The following TAFA1 variants were observed in gnomAD, a reference collection of about 807,000 sequenced individuals.
TAFA1 encodes TAFA chemokine like family member 1, also known as chemokine-like protein TAFA-1.
A neutral mutation model predicts 18.5 loss-of-function variants in TAFA1; 4 were observed. The ratio of observed to expected loss-of-function variants is 0.22; its 90% CI spans 0.11 to 0.49. The LOEUF is 0.49. Among genes scored for constraint, TAFA1 ranks in the 20% least tolerant of loss-of-function variants. The pLI, the probability that TAFA1 is intolerant of heterozygous loss-of-function variation, is 0.98. For missense variants in TAFA1, 147 were observed against 169.0 expected, an observed-to-expected ratio of 0.87 and a Z score of 0.72; for synonymous variants, 56 against 55.2, an observed-to-expected ratio of 1.01 and a Z score of -0.06.
At chr3:68,205,775 T>A (rs2107052998) in intron 2 of TAFA1, among the ~76,000 whole-genome samples, 1 of 151,942 alleles carries the variant, frequency 6.6e-6, no homozygotes, top group South Asian at 2.1e-4. Flanking sequence ...AAAGAACAAT[T>A]AGTCACAAAA....
intron 2 of TAFA1, among the ~76,000 whole-genome samples, chr3:68,280,877 G>C (rs1483962901): frequency 6.6e-6 from 1 of 152,046 alleles, no homozygotes; most frequent in Admixed American, 6.6e-5. Flanking sequence ...TCTCAACTTT[G>C]TGTTCTTAGG....
chr3:68,058,242 C>G lies in TAFA1; in HGVS notation c.118+51498C>G, dbSNP rs564547899. ...CAACAACTTTAAGGCTTGGTTTCCT[C>G]ATCTGTAAGATGGGGGAAATAAGGA... On this transcript the variant is annotated intron_variant, in intron 2 of 4. Coordinates refer to ENST00000478136, the MANE Select transcript of TAFA1 (RefSeq NM_213609.4). Among the ~76,000 whole-genome samples, 3 of 152,252 alleles carry G rather than the reference C, an allele frequency of 2.0e-5. No individual in the cohort carries two copies. In the East Asian group the frequency reaches 5.8e-4, roughly 29 times the overall value.
chr3:68,113,717 T>C lies in TAFA1; in HGVS notation c.118+106973T>C, dbSNP rs549789329. Among the ~76,000 whole-genome samples, 27 of 152,004 alleles carry C rather than the reference T, an allele frequency of 1.8e-4. No homozygotes were observed. The South Asian group carries it at 5.4e-3, about 30-fold the overall frequency. On this transcript the variant is annotated intron_variant, in intron 2 of 4. Coordinates refer to ENST00000478136, the MANE Select transcript of TAFA1 (RefSeq NM_213609.4). The stretch of plus-strand genomic sequence containing the variant: ...AGTATTAAGAAAAAAAGAAAGTCAA[T>C]AGAAAAGTGGTTTGTAGATTAGTTG...
chr3:68,497,323 A>G (rs1409623960), intron 3 of TAFA1, among the ~76,000 whole-genome samples: 2 of 152,202 alleles, frequency 1.3e-5, no homozygotes, highest in African/African-American at 2.4e-5. Flanking sequence ...CATGGCAGAC[A>G]TTATGATAGA....
chr3:68,182,880 A>G (rs970549472), intron 2 of TAFA1, among the ~76,000 whole-genome samples: 1 of 152,180 alleles, frequency 6.6e-6, no homozygotes, highest in Non-Finnish European at 1.5e-5. Flanking sequence ...GGTGGTGATA[A>G]GAATAGGTTG....
chr3:68,209,000 C>A (rs1004172192), intron 2 of TAFA1, among the ~76,000 whole-genome samples: 1 of 151,964 alleles, frequency 6.6e-6, no homozygotes, highest in Non-Finnish European at 1.5e-5. Flanking sequence ...ACTGCCATTT[C>A]ATGGATGGGG....
chr3:68,417,910 C>T (rs1479184375), intron 3 of TAFA1, among the ~76,000 whole-genome samples: 1 of 152,102 alleles, frequency 6.6e-6, no homozygotes, highest in East Asian at 1.9e-4. Flanking sequence ...GGAGGTACTA[C>T]ACAATTTTAA....
At chr3:68,384,483 ATT>A (rs1236595553) in intron 2 of TAFA1, among the ~76,000 whole-genome samples, 1 of 152,016 alleles carries the variant, frequency 6.6e-6, no homozygotes, top group Non-Finnish European at 1.5e-5. Context: ...TTTTGAGTGA[ATT>A]TCTTTGTTTT....
intron 2 of TAFA1, among the ~76,000 whole-genome samples, chr3:68,380,518 G>C (rs1160864195): frequency 6.6e-6 from 1 of 152,182 alleles, no homozygotes; most frequent in Non-Finnish European, 1.5e-5. Flanking sequence ...CTGATGGCCA[G>C]TGATGATGAG....
In TAFA1 at chr3:68,388,502, C is replaced by T. The variant is rs898030334; in HGVS notation, c.119-28778C>T. Among the ~76,000 whole-genome samples the T allele has an allele frequency of 2.2e-4, 33 of 151,990 alleles. 1 individual carries two copies. Among genetic ancestry groups the T allele is most frequent in the Non-Finnish European group, 2.9e-5 (2 of 68,008 alleles). ...TTTTTCTCTAATATATCATAGCTAA[C>T]GTTTGTCTCTGTAATTTTCCATTTT... On this transcript the variant is annotated intron_variant, in intron 2 of 4. Transcript: ENST00000478136.
chr3:68,481,410 A>G (rs1017479423), intron 3 of TAFA1, among the ~76,000 whole-genome samples: 1 of 152,198 alleles, frequency 6.6e-6, no homozygotes, highest in Non-Finnish European at 1.5e-5. Flanking sequence ...AACTGCTAAA[A>G]CTAATACAGA....
chr3:68,356,630 T>A (rs2069370954), intron 2 of TAFA1, among the ~76,000 whole-genome samples: 2 of 151,910 alleles, frequency 1.3e-5, no homozygotes, highest in Non-Finnish European at 2.9e-5. Context: ...AGATGGCTTC[T>A]CACACCAAAG....
intron 2 of TAFA1, among the ~76,000 whole-genome samples, chr3:68,379,565 G>A (rs561275721): frequency 9.9e-5 from 15 of 152,154 alleles, no homozygotes; most frequent in African/African-American, 3.4e-4. Flanking sequence ...TGAAATCTTT[G>A]CCTGTTGCTT....
chr3:68,235,213 T>C (rs749334311), intron 2 of TAFA1, among the ~76,000 whole-genome samples: 33 of 152,206 alleles, frequency 2.2e-4, no homozygotes, highest in Non-Finnish European at 2.6e-4. Context: ...TCTTATTTTA[T>C]TCCAACCGAT....
At chr3:68,535,428 T>A (rs2073262453) in intron 3 of TAFA1, among the ~76,000 whole-genome samples, 1 of 148,638 alleles carries the variant, frequency 6.7e-6, no homozygotes, top group Non-Finnish European at 1.5e-5. Context: ...TTCTATACCC[T>A]GTGGAGGATT....
chr3:68,020,907 C>T (rs184466604), intron 2 of TAFA1, among the ~76,000 whole-genome samples: 94 of 151,844 alleles, frequency 6.2e-4, no homozygotes, highest in African/African-American at 2.1e-3. Flanking sequence ...GGTGTCTGAC[C>T]GGGAGCAGTG....
At chr3:68,199,177 ATATC>A (rs1348158313) in intron 2 of TAFA1, among the ~76,000 whole-genome samples, 6 of 151,488 alleles carry the variant, frequency 4.0e-5, no homozygotes, top group African/African-American at 1.5e-4. Context: ...TCAGTTGACT[ATATC>A]TATTTCTGGG....
chr3:67,999,069 C>T, the TAFA1 span, among the ~76,000 whole-genome samples: 1 of 152,164 alleles, frequency 6.6e-6, no homozygotes, highest in South Asian at 2.1e-4. Flanking sequence ...TAGAACTGTG[C>T]TGTCCAATAC....
At chr3:68,351,351 C>T (rs1034959844) in intron 2 of TAFA1, among the ~76,000 whole-genome samples, 28 of 151,908 alleles carry the variant, frequency 1.8e-4, no homozygotes, top group African/African-American at 5.6e-4. Flanking sequence ...GCAACCAAGA[C>T]GATTGTTGGA....
Sources: allele counts gnomAD v4.1 joint callset (sites outside exome capture counted in the v4.1 genomes callset), GRCh38; gene constraint gnomAD v4.1.1; transcripts MANE v1.5; gene names NCBI Gene and HGNC (gene_info 2026-07-23, HGNC 2026-07-21).